The following RXFP1 variants were observed in gnomAD, a reference collection of about 807,000 sequenced individuals.
RXFP1 encodes the protein relaxin receptor 1.
RXFP1 carries 73 observed loss-of-function variants against 89.8 expected under a neutral mutation model. The observed-to-expected ratio is 0.81, with a 90% CI of 0.67 to 0.99. The LOEUF is 0.99. Ranked by LOEUF, RXFP1 falls within the 50% of genes least tolerant of loss-of-function variation. The probability of loss-of-function intolerance (pLI) is 0.00; values close to 1 mark genes in which losing one functional copy is unlikely to be tolerated. For synonymous variants in RXFP1, 277 were observed against 305.5 expected (o/e 0.91, Z 0.97); for missense variants, 793 against 895.5 (o/e 0.89, Z 1.46).
chr4:158,624,262 A>C (rs1179475535), intron 9 of RXFP1, among the ~76,000 whole-genome samples: 1 of 152,180 alleles, frequency 6.6e-6, no homozygotes, highest in Non-Finnish European at 1.5e-5. Context: ...AAGTTTACAG[A>C]TGTCAGGCAG....
At chr4:158,604,494 T>G (rs911590278) in intron 4 of RXFP1, among the ~76,000 whole-genome samples, 2 of 152,194 alleles carry the variant, frequency 1.3e-5, no homozygotes, top group Non-Finnish European at 2.9e-5. Flanking sequence ...ACCAAAATTA[T>G]GTGGATCTGG....
chr4:158,546,889 A>G (rs1318534318), intron 1 of RXFP1, among the ~76,000 whole-genome samples: 2 of 151,382 alleles, frequency 1.3e-5, no homozygotes, highest in Non-Finnish European at 3.0e-5. Context: ...ATGTTCATCA[A>G]GGATGTTGGT....
intron 6 of RXFP1, among the ~76,000 whole-genome samples, chr4:158,610,018 C>T (rs1275675871): frequency 6.6e-6 from 1 of 152,158 alleles, no homozygotes; most frequent in African/African-American, 2.4e-5. Context: ...TTAGTCCCAG[C>T]ACTTTGGGAG....
intron 2 of RXFP1, among the ~76,000 whole-genome samples, chr4:158,589,261 A>G (rs1758912408): frequency 6.6e-6 from 1 of 152,182 alleles, no homozygotes; most frequent in African/African-American, 2.4e-5. Context: ...TATTATTACA[A>G]TTCAAGGTGA....
intron 9 of RXFP1, among the ~76,000 whole-genome samples, chr4:158,620,010 C>T (rs1561142502): frequency 6.6e-6 from 1 of 152,158 alleles, no homozygotes; most frequent in Non-Finnish European, 1.5e-5. Flanking sequence ...ATAAAGCAAT[C>T]AACAGAACCA....
At chr4:158,576,513 T>C (rs951644119) in intron 2 of RXFP1, among the ~76,000 whole-genome samples, 2 of 152,196 alleles carry the variant, frequency 1.3e-5, no homozygotes, top group Admixed American at 6.5e-5. Flanking sequence ...TCTGTTTTAA[T>C]ATGAGCCTCG....
At chr4:158,610,640 G>C (rs970392382) in intron 6 of RXFP1, 1 of 1,280,906 alleles carries the variant, frequency 7.8e-7, no homozygotes, top group Admixed American at 2.3e-5. Flanking sequence ...CAGGTCCAGA[G>C]CAGTAAAGGA....
intron 2 of RXFP1, among the ~76,000 whole-genome samples, chr4:158,580,049 G>T (rs1257859751): frequency 6.6e-6 from 1 of 152,208 alleles, no homozygotes; most frequent in African/African-American, 2.4e-5. Flanking sequence ...GGAGGCAGAA[G>T]ACGGGTGAGA....
chr4:158,644,275 T>C (rs1426606880), intron 14 of RXFP1, among the ~76,000 whole-genome samples: 2 of 152,088 alleles, frequency 1.3e-5, no homozygotes, highest in Non-Finnish European at 2.9e-5. Context: ...CTCAATATCC[T>C]GACCTCGTGA....
intron 13 of RXFP1, 41 bp from the exon 14 acceptor site, chr4:158,639,219 A>G (rs761802906): frequency 1.8e-6 from 2 of 1,120,564 alleles, no homozygotes; most frequent in Non-Finnish European, 2.7e-6. Context: ...ACCATGTATA[A>G]TACATGTTCC....
chr4:158,583,107 AAGTATTTTT>A, intron 2 of RXFP1, among the ~76,000 whole-genome samples: 1 of 152,338 alleles, frequency 6.6e-6, no homozygotes, highest in South Asian at 2.1e-4. Context: ...TAATGCCCCA[AAGTATTTTT>A]CCTGTCACTG....
At chr4:158,646,504 G>C (rs1276277181) in intron 15 of RXFP1, 6 of 1,266,408 alleles carry the variant, frequency 4.7e-6, no homozygotes, top group Non-Finnish European at 6.0e-6. Context: ...TATGTGATGG[G>C]TCTAGAACAA....
At chr4:158,571,367 G>T (rs1055271605) in intron 1 of RXFP1, among the ~76,000 whole-genome samples, 1 of 152,126 alleles carries the variant, frequency 6.6e-6, no homozygotes, top group Non-Finnish European at 1.5e-5. Flanking sequence ...AATTATTTTA[G>T]GCAGTTAGGG....
At position 158,554,279 on chromosome 4, in the gene RXFP1, T is replaced by G. The variant is rs74854979; in HGVS notation, c.50-18419T>G. Among the ~76,000 whole-genome samples, 365 of 151,040 alleles carry G rather than the reference T, an allele frequency of 2.4e-3. 1 individual carries two copies. Among genetic ancestry groups the G allele is most frequent in the East Asian group, 0.012 (61 of 5,176 alleles). On this transcript the variant is annotated intron_variant, in intron 1 of 17. Transcript: ENST00000307765. ...GAATTATCTGTAAATAACGTCAGAG[T>G]TTTTTTTTATTATTAAAAGAATACT...
intron 16 of RXFP1, among the ~76,000 whole-genome samples, chr4:158,647,927 A>G (rs2150268394): frequency 6.6e-6 from 1 of 151,854 alleles, no homozygotes; most frequent in East Asian, 1.9e-4. Flanking sequence ...GAGGCAGGAG[A>G]ATTGCTTGAA....
rs560049934 is a variant in RXFP1, at chr4:158,612,113, T to C, written c.537-17T>C. On this transcript the variant is annotated splice_polypyrimidine_tract_variant and intron_variant, in intron 6 of 17. Transcript: ENST00000307765. ...CAAAAATATACAAATTTATTGTAGT[T>C]ATTTCTCCTTTTCCAGGTATCTCAG... 5.1e-6 allele frequency: 8 copies of C among 1,572,838 alleles called. No homozygotes were observed. The African/African-American group carries it at 9.6e-5, about 19-fold the overall frequency.
chr4:158,570,310 G>A (rs1754763511), intron 1 of RXFP1, among the ~76,000 whole-genome samples: 1 of 152,194 alleles, frequency 6.6e-6, no homozygotes, highest in Non-Finnish European at 1.5e-5. Flanking sequence ...ACCAGAATGG[G>A]ACTTCTGGAT....
At chr4:158,540,737 T>G (rs1298850905) in intron 1 of RXFP1, among the ~76,000 whole-genome samples, 1 of 151,876 alleles carries the variant, frequency 6.6e-6, no homozygotes, top group Non-Finnish European at 1.5e-5. Flanking sequence ...CATCTGGGAA[T>G]GTCTAAGAAT....
In RXFP1 at chr4:158,652,181, C is replaced by A; in HGVS notation, c.*126C>A. ...AGCTAAGATAAATATTTTACAAGGACATGAGGAAAAATAAAAATGACTAAT... is the reference window on the plus strand; with the variant it reads ...AGCTAAGATAAATATTTTACAAGGAAATGAGGAAAAATAAAAATGACTAAT... On this transcript the variant is annotated 3_prime_UTR_variant, in exon 18 of 18. Transcript: ENST00000307765. The A allele has an allele frequency of 1.3e-6, 1 of 759,082 alleles. No individual in the cohort carries two copies. Among genetic ancestry groups the A allele is most frequent in the Non-Finnish European group, 2.0e-6 (1 of 508,548 alleles). The allele number at this position is 759,082 out of a possible 1,614,324, so 47.0% of individuals were successfully genotyped here.
Sources: gnomAD v4.1 joint callset for allele counts (sites outside exome capture counted in the v4.1 genomes callset) on GRCh38, gnomAD v4.1.1 for gene constraint, MANE v1.5 for transcripts, NCBI Gene and HGNC (gene_info 2026-07-23, HGNC 2026-07-21) for gene names.